Variants in A1CF observed in about 807,000 individuals in gnomAD.
A1CF encodes the protein APOBEC-1 stimulating protein.
A neutral mutation model predicts 68.9 loss-of-function variants in A1CF; 48 were observed. The observed-to-expected ratio is 0.70, with a 90% CI of 0.55 to 0.89. The LOEUF (loss-of-function observed/expected upper bound fraction) is 0.89. Ranked by LOEUF, A1CF falls within the 40% of genes least tolerant of loss-of-function variation. A1CF has a pLI of 0.00. For missense variants in A1CF, 653 were observed against 718.9 expected (o/e 0.91, Z 1.05); for synonymous variants, 272 against 260.4 (o/e 1.04, Z -0.43).
chr10:50,852,484 G>C (rs1191717984), intron 3 of A1CF, among the ~76,000 whole-genome samples: 3 of 152,122 alleles, frequency 2.0e-5, no homozygotes, highest in Non-Finnish European at 4.4e-5. Flanking sequence ...GGGTGGCTGG[G>C]GTGATAAGCT....
At chr10:50,816,780 G>T (rs1588971416) in intron 8 of A1CF, among the ~76,000 whole-genome samples, 2 of 152,162 alleles carry the variant, frequency 1.3e-5, no homozygotes, top group Admixed American at 6.6e-5. Flanking sequence ...CCAGCTGATA[G>T]CCCGCTAACT....
chr10:50,821,512 A>G (rs1838670364), intron 7 of A1CF, among the ~76,000 whole-genome samples: 1 of 151,698 alleles, frequency 6.6e-6, no homozygotes, highest in African/African-American at 2.4e-5. Flanking sequence ...ATAGACCTGT[A>G]TGTTGTTACA....
At chr10:50,874,303 A>G (rs1841405910) in intron 1 of A1CF, among the ~76,000 whole-genome samples, 1 of 152,246 alleles carries the variant, frequency 6.6e-6, no homozygotes, top group African/African-American at 2.4e-5. Flanking sequence ...AAATCTGTTT[A>G]AAATTGTATA....
intron 7 of A1CF, among the ~76,000 whole-genome samples, chr10:50,821,577 C>A (rs994397914): frequency 2.0e-5 from 3 of 151,730 alleles, no homozygotes; most frequent in Non-Finnish European, 2.9e-5. Flanking sequence ...CTCTTGTTGC[C>A]CAGGCTAGAG....
chr10:50,833,455 GT>G (rs1256961357), intron 6 of A1CF, among the ~76,000 whole-genome samples: 1 of 152,154 alleles, frequency 6.6e-6, no homozygotes, highest in Admixed American at 6.5e-5. Context: ...CAGCAACTTT[GT>G]TCTGTAAAGA....
At chr10:50,850,393 G>A (rs529621226) in intron 3 of A1CF, among the ~76,000 whole-genome samples, 24 of 152,170 alleles carry the variant, frequency 1.6e-4, no homozygotes, top group Non-Finnish European at 3.2e-4. Context: ...AACGTTTGAA[G>A]CATTCAAAAG....
At chr10:50,814,285 A>G (rs1838264455) in intron 9 of A1CF, among the ~76,000 whole-genome samples, 1 of 152,196 alleles carries the variant, frequency 6.6e-6, no homozygotes, top group Non-Finnish European at 1.5e-5. Flanking sequence ...GCCATTGATA[A>G]ATACAATACT....
At position 50,799,570 on chromosome 10, in the gene A1CF, A is replaced by C. The variant is rs2132276187; in HGVS notation, c.*7159T>G. ...TTCCAAACCAAAGATTATTTTCCCAACAAGTGAATGGTGTAATTTTACTTA... is the reference window on the plus strand; with the variant it reads ...TTCCAAACCAAAGATTATTTTCCCACCAAGTGAATGGTGTAATTTTACTTA... On this transcript the variant is annotated 3_prime_UTR_variant, in exon 13 of 13. Transcript: ENST00000373997. 6.6e-6 allele frequency: 1 copy of C among 152,250 alleles called. No individual in the cohort carries two copies. Among genetic ancestry groups the C allele is most frequent in the African/African-American group, 2.4e-5 (1 of 41,568 alleles). The allele number at this position is 152,250 out of a possible 1,614,324, so 9.4% of individuals were successfully genotyped here.
intron 1 of A1CF, among the ~76,000 whole-genome samples, chr10:50,880,566 G>A (rs1406819237): frequency 1.3e-5 from 2 of 152,156 alleles, no homozygotes; most frequent in Non-Finnish European, 2.9e-5. Context: ...ACATCTATAT[G>A]TGCCAACACA....
chr10:50,811,762 GT>G (rs1409804493), intron 10 of A1CF, among the ~76,000 whole-genome samples: 1 of 152,004 alleles, frequency 6.6e-6, no homozygotes, highest in Non-Finnish European at 1.5e-5. Context: ...TTGTTTGTTT[GT>G]TTTTTTGCTT....
At chr10:50,845,700 T>C (rs1839967717) in intron 3 of A1CF, among the ~76,000 whole-genome samples, 1 of 152,218 alleles carries the variant, frequency 6.6e-6, no homozygotes, top group African/African-American at 2.4e-5. Flanking sequence ...ATGCCTGTAA[T>C]CCCAGCACTT....
At chr10:50,882,862 G>T (rs141009650) in intron 1 of A1CF, among the ~76,000 whole-genome samples, 4 of 152,268 alleles carry the variant, frequency 2.6e-5, no homozygotes, top group African/African-American at 9.6e-5. Flanking sequence ...ATTTTTAAAA[G>T]ACAGTTACTG....
intron 7 of A1CF, among the ~76,000 whole-genome samples, chr10:50,826,694 C>A (rs932037510): frequency 8.5e-5 from 13 of 152,082 alleles, no homozygotes; most frequent in Non-Finnish European, 1.6e-4. Flanking sequence ...ATTGTAAAGA[C>A]CATCCAGGCT....
intron 6 of A1CF, among the ~76,000 whole-genome samples, chr10:50,829,929 C>A (rs1839159635): frequency 6.6e-6 from 1 of 152,160 alleles, no homozygotes; most frequent in African/African-American, 2.4e-5. Context: ...TATAATTGAT[C>A]AATCAAAATT....
intron 4 of A1CF, among the ~76,000 whole-genome samples, chr10:50,842,426 G>A (rs907233350): frequency 1.3e-5 from 2 of 152,170 alleles, no homozygotes; most frequent in African/African-American, 4.8e-5. Flanking sequence ...GTTTGGGCAA[G>A]ATGGTGACAC....
In A1CF at chr10:50,849,420, T is replaced by A. The variant is rs4351765; in HGVS notation, c.100-5298A>T. Among the ~76,000 whole-genome samples the A allele has an allele frequency of 6.2e-4, 94 of 152,296 alleles. 3 individuals carry two copies. The South Asian group carries it at 0.019, about 31-fold the overall frequency. The stretch of plus-strand genomic sequence containing the variant: ...ACAATTTTTACAAGATGTATGCAAC[T>A]TGAATGCCAGATATAATGTTCCTAA... On this transcript the variant is annotated intron_variant, in intron 3 of 12. Coordinates refer to ENST00000373997, the MANE Select transcript of A1CF (RefSeq NM_014576.4).
At chr10:50,841,810 G>C (rs758308278) in intron 5 of A1CF, 52 bp downstream of exon 5, 1 of 1,596,254 alleles carries the variant, frequency 6.3e-7, no homozygotes, top group Non-Finnish European at 8.5e-7. Flanking sequence ...TAGAAAAACA[G>C]ACACAGGTGC....
intron 3 of A1CF, among the ~76,000 whole-genome samples, chr10:50,847,032 G>A (rs1190136958): frequency 1.3e-5 from 2 of 152,122 alleles, no homozygotes; most frequent in Non-Finnish European, 2.9e-5. Context: ...TGGGCTCTGG[G>A]TTGCTAATAT....
intron 4 of A1CF, among the ~76,000 whole-genome samples, chr10:50,842,226 G>A (rs1776769406): frequency 6.6e-6 from 1 of 152,200 alleles, no homozygotes; most frequent in African/African-American, 2.4e-5. Flanking sequence ...ATGTGTACAA[G>A]TGACATTTCA....
Sources: gnomAD v4.1 joint callset for allele counts (sites outside exome capture counted in the v4.1 genomes callset) on GRCh38, gnomAD v4.1.1 for gene constraint, MANE v1.5 for transcripts, NCBI Gene and HGNC (gene_info 2026-07-23, HGNC 2026-07-21) for gene names.